UQCR11: variants seen among roughly 807,000 people sequenced by gnomAD.
UQCR11 encodes cytochrome b-c1 complex subunit 10.
UQCR11 carries 10 observed loss-of-function variants against 7.6 expected under a neutral mutation model. The observed-to-expected ratio is 1.31, with a 90% CI of 0.81 to 2.22. UQCR11 has a LOEUF of 2.22. Ranked by LOEUF, UQCR11 falls within the 30% of genes most tolerant of loss-of-function variation. UQCR11 has a pLI of 0.00. For missense variants in UQCR11, 86 were observed against 75.1 expected (o/e 1.15, Z -0.54); for synonymous variants, 34 against 34.9 (o/e 0.97, Z 0.09).
chr19:1,604,817 C>T (rs973611801), intron 1 of UQCR11, among the ~76,000 whole-genome samples: 2 of 152,246 alleles, frequency 1.3e-5, no homozygotes, highest in African/African-American at 2.4e-5. Flanking sequence ...GCGGGAGCCA[C>T]CGCACCCAGC....
chr19:1,604,284 G>A (rs2145622753), intron 1 of UQCR11, among the ~76,000 whole-genome samples: 1 of 152,272 alleles, frequency 6.6e-6, no homozygotes, highest in Non-Finnish European at 1.5e-5. Context: ...TTGCTGTGTT[G>A]CCCAGGCTGG....
chr19:1,604,827 C>G (rs2060757175), intron 1 of UQCR11, among the ~76,000 whole-genome samples: 1 of 152,250 alleles, frequency 6.6e-6, no homozygotes, highest in Non-Finnish European at 1.5e-5. Flanking sequence ...CCGCACCCAG[C>G]CAGGCCTTGC....
rs1360789467 is a variant in UQCR11 at position 1,605,454 on chromosome 19, G to A, written c.-45C>T. 9.3e-6 allele frequency: 12 copies of A among 1,285,124 alleles called. No homozygotes were observed. The highest frequency in any genetic ancestry group is 6.5e-5 in the East Asian group (1 of 15,332). 79.6% of individuals were successfully genotyped at this position (1,285,124 alleles called of 1,614,324 possible). The stretch of plus-strand genomic sequence containing the variant: ...CAGGATGACCCTGTCCAGCTGACCC[G>A]GCTACACTGCGCAGGCGCGGCCGCG... On this transcript the variant is annotated 5_prime_UTR_variant, in exon 1 of 3. Transcript: ENST00000591899.
At chr19:1,604,380 ATT>A (rs954458745) in intron 1 of UQCR11, among the ~76,000 whole-genome samples, 19 of 151,750 alleles carry the variant, frequency 1.3e-4, no homozygotes, top group Admixed American at 8.5e-4. Flanking sequence ...TGCCCTGATA[ATT>A]TTTTGTTTTG....
At chr19:1,605,319 G>A (rs994966413) in intron 1 of UQCR11, 41 bp downstream of exon 1, 13 of 1,545,828 alleles carry the variant, frequency 8.4e-6, no homozygotes, top group Admixed American at 6.0e-5. Context: ...GGGCTGGGCC[G>A]AGGCGGGAGC....
chr19:1,604,252 A>AT (rs35098947), intron 1 of UQCR11, among the ~76,000 whole-genome samples: 1 of 150,806 alleles, frequency 6.6e-6, no homozygotes, highest in Non-Finnish European at 1.5e-5. Flanking sequence ...GCAGCTCTAA[A>AT]TTTTTTTGTA....
intron 2 of UQCR11, among the ~76,000 whole-genome samples, chr19:1,598,711 A>C (rs1460218232): frequency 6.6e-6 from 1 of 152,176 alleles, no homozygotes; most frequent in Non-Finnish European, 1.5e-5. Flanking sequence ...CTCCGTCTCA[A>C]AAAAAAAGAA....
intron 2 of UQCR11, chr19:1,599,180 G>A (rs2060739765): frequency 4.1e-6 from 2 of 483,904 alleles, no homozygotes; most frequent in Admixed American, 3.5e-5. Context: ...TTGTCCAGAG[G>A]GAGGGCGAGG....
At chr19:1,602,910 A>G (rs533135244) in intron 1 of UQCR11, among the ~76,000 whole-genome samples, 1 of 152,332 alleles carries the variant, frequency 6.6e-6, no homozygotes, top group African/African-American at 2.4e-5. Context: ...CTGAGGAAGG[A>G]CGTACAGACC....
At position 1,599,224 on chromosome 19, in the gene UQCR11, G is replaced by C. The variant is rs1055147029; in HGVS notation, c.*28+188C>G. On this transcript the variant is annotated intron_variant, in intron 2 of 2. Coordinates refer to ENST00000591899, the MANE Select transcript of UQCR11 (RefSeq NM_006830.4). Reference sequence around the variant, plus strand: ...CCAATCACACAACCCAAGGCTGCGGGGCGGACAGTTCTGTGCCCGTGGGCC... The same window carrying C: ...CCAATCACACAACCCAAGGCTGCGGCGCGGACAGTTCTGTGCCCGTGGGCC... The C allele has an allele frequency of 3.3e-5, 22 of 669,486 alleles. No homozygotes were observed. In the African/African-American group the frequency reaches 4.0e-4, roughly 12 times the overall value. The allele number at this position is 669,486 out of a possible 1,614,324, so 41.5% of individuals were successfully genotyped here.
chr19:1,600,209 CTT>C (rs751453784), intron 1 of UQCR11, among the ~76,000 whole-genome samples: 3 of 121,350 alleles, frequency 2.5e-5, no homozygotes, highest in Non-Finnish European at 3.5e-5. Flanking sequence ...GCACAGGCTT[CTT>C]TTTTTTTTTT....
chr19:1,602,673 A>C (rs539661163), intron 1 of UQCR11, among the ~76,000 whole-genome samples: 45 of 152,162 alleles, frequency 3.0e-4, no homozygotes, highest in Non-Finnish European at 5.0e-4. Context: ...GCTCTTCTCG[A>C]ACTCCTGACC....
intron 1 of UQCR11, among the ~76,000 whole-genome samples, chr19:1,600,159 C>T (rs1036566154): frequency 5.0e-4 from 76 of 152,222 alleles, no homozygotes; most frequent in African/African-American, 1.7e-3. Flanking sequence ...CCAGCAAACC[C>T]GCCTGCTGGC....
At chr19:1,603,447 C>CA (rs1047515382) in intron 1 of UQCR11, among the ~76,000 whole-genome samples, 4 of 151,630 alleles carry the variant, frequency 2.6e-5, no homozygotes, top group Admixed American at 1.3e-4. Flanking sequence ...CTAAAAAATA[C>CA]AAAAAAAATT....
At chr19:1,600,209 CTTTTTTTTTTTTTT>C in intron 1 of UQCR11, among the ~76,000 whole-genome samples, 1 of 121,350 alleles carries the variant, frequency 8.2e-6, no homozygotes, top group Non-Finnish European at 1.7e-5. Context: ...GCACAGGCTT[CTTTTTTTTTTTTTT>C]TTTTTTTTTG....
chr19:1,604,988 C>A (rs1310738661), intron 1 of UQCR11, among the ~76,000 whole-genome samples: 1 of 152,262 alleles, frequency 6.6e-6, no homozygotes. Context: ...ATCATAAAAA[C>A]CAAAATAGTG....
chr19:1,605,434 T>C lies in UQCR11; in HGVS notation c.-25A>G, dbSNP rs759479716. On this transcript the variant is annotated 5_prime_UTR_variant, in exon 1 of 3. Transcript: ENST00000591899. ...TCGCGGCGGAGTCGCACCCTCAGGA[T>C]GACCCTGTCCAGCTGACCCGGCTAC... is the stretch of plus-strand genomic sequence containing the variant. 11 of 1,371,586 alleles carry C rather than the reference T, an allele frequency of 8.0e-6. No homozygotes were observed. Among genetic ancestry groups the C allele is most frequent in the African/African-American group, 5.0e-5 (3 of 60,378 alleles). The allele number at this position is 1,371,586 out of a possible 1,614,324, so 85.0% of individuals were successfully genotyped here. A position where few individuals can be genotyped will look rare whatever the true frequency, so the allele number is the denominator to read the frequency against.
rs751453784 is a variant in UQCR11 at position 1,600,209 on chromosome 19, C to CTT, written c.51-651_51-650dup. ...ACAGTATGAACTTGGGCACAGGCTT[C>CTT]TTTTTTTTTTTTTTTTTTTTTTTGA... On this transcript the variant is annotated intron_variant, in intron 1 of 2. Transcript: ENST00000591899. Among the ~76,000 whole-genome samples the CTT allele has an allele frequency of 4.4e-3, 530 of 121,346 alleles. 27 individuals carry two copies. The highest frequency in any genetic ancestry group is 0.041 in the East Asian group (159 of 3,838). The allele number at this position is 121,346 out of a possible 152,430, so 79.6% of individuals were successfully genotyped here.
intron 1 of UQCR11, among the ~76,000 whole-genome samples, chr19:1,601,376 G>A (rs2060746630): frequency 6.6e-6 from 1 of 152,148 alleles, no homozygotes; most frequent in Non-Finnish European, 1.5e-5. Flanking sequence ...GGTGAGGTGG[G>A]CGGATCATGA....
Sources: allele counts gnomAD v4.1 joint callset (sites outside exome capture counted in the v4.1 genomes callset), GRCh38; gene constraint gnomAD v4.1.1; transcripts MANE v1.5; gene names NCBI Gene and HGNC (gene_info 2026-07-23, HGNC 2026-07-21).